The following DAB1 variants were observed in gnomAD, a reference collection of about 807,000 sequenced individuals.
The protein encoded by DAB1 is DAB adaptor protein 1, also known as disabled homolog 1.
DAB1 carries 15 observed loss-of-function variants against 64.6 expected under a neutral mutation model. The ratio of observed to expected loss-of-function variants is 0.23; its 90% CI spans 0.16 to 0.36. The LOEUF (loss-of-function observed/expected upper bound fraction) is 0.36, where lower values mean the gene tolerates loss of function less well. Among genes scored for constraint, DAB1 ranks in the 10% least tolerant of loss-of-function variants. The pLI, the probability that DAB1 is intolerant of heterozygous loss-of-function variation, is 1.00. For missense variants in DAB1, 596 were observed against 706.7 expected (o/e 0.84, Z 1.78); for synonymous variants, 235 against 251.9 (o/e 0.93, Z 0.64).
chr1:58,182,237 G>A (rs529218717), intron 4 of DAB1, among the ~76,000 whole-genome samples: 9 of 151,766 alleles, frequency 5.9e-5, no homozygotes, highest in African/African-American at 2.2e-4. Context: ...GTTTTCAATC[G>A]TTTGACTATG....
At chr1:57,599,644 G>A (rs1451457984) in intron 7 of DAB1, among the ~76,000 whole-genome samples, 1 of 152,134 alleles carries the variant, frequency 6.6e-6, no homozygotes, top group African/African-American at 2.4e-5. Flanking sequence ...GATAATATAT[G>A]TAGAACACCT....
intron 7 of DAB1, among the ~76,000 whole-genome samples, chr1:57,471,137 C>A (rs1687120091): frequency 6.6e-6 from 1 of 152,172 alleles, no homozygotes; most frequent in South Asian, 2.1e-4. Flanking sequence ...TTTCATACTT[C>A]TTTTTCCAGA....
chr1:57,226,672 A>ATATAT (rs1553158266), intron 2 of DAB1, among the ~76,000 whole-genome samples: 23 of 135,996 alleles, frequency 1.7e-4, no homozygotes, highest in African/African-American at 5.9e-4. Flanking sequence ...TTAAAAAAAA[A>ATATAT]ATATATATAT....
intron 2 of DAB1, among the ~76,000 whole-genome samples, chr1:57,147,995 C>G (rs1659312493): frequency 6.6e-6 from 1 of 152,202 alleles, no homozygotes; most frequent in Non-Finnish European, 1.5e-5. Context: ...TCAGTTGCTT[C>G]TTTTCTACGC....
intron 1 of DAB1, among the ~76,000 whole-genome samples, chr1:57,312,809 T>C (rs1674838600): frequency 1.3e-5 from 2 of 151,944 alleles, no homozygotes; most frequent in Admixed American, 1.3e-4. Context: ...AGCAGTGGAG[T>C]GTGCAAACTC....
intron 1 of DAB1, among the ~76,000 whole-genome samples, chr1:57,333,348 C>T (rs955554045): frequency 7.3e-5 from 11 of 151,720 alleles, no homozygotes; most frequent in African/African-American, 1.7e-4. Flanking sequence ...ACTCACTTAA[C>T]GGCTCAGTTT....
upstream of DAB1, among the ~76,000 whole-genome samples, chr1:57,427,457 C>T (rs1378040948): frequency 6.6e-6 from 1 of 152,252 alleles, no homozygotes; most frequent in East Asian, 1.9e-4. Flanking sequence ...ACATGATTTT[C>T]AAGATACTCA....
At chr1:58,264,112 A>C (rs1661107637) in intron 4 of DAB1, among the ~76,000 whole-genome samples, 1 of 152,174 alleles carries the variant, frequency 6.6e-6, no homozygotes, top group Admixed American at 6.6e-5. Context: ...TTGACCTTAC[A>C]AGTTTCCTAT....
chr1:57,794,058 C>T (rs1326174210), intron 6 of DAB1, among the ~76,000 whole-genome samples: 3 of 152,130 alleles, frequency 2.0e-5, no homozygotes, highest in Non-Finnish European at 4.4e-5. Context: ...GGTGATGGAT[C>T]CTCCTTGAAC....
At chr1:57,367,122 T>TAAAATAAAA (rs1570382070) in intron 1 of DAB1, among the ~76,000 whole-genome samples, 6 of 123,228 alleles carry the variant, frequency 4.9e-5, no homozygotes, top group Non-Finnish European at 9.5e-5. Flanking sequence ...ATAAAATAAA[T>TAAAATAAAA]AAATTAGCCA....
chr1:58,291,499 A>C (rs1661835707), intron 4 of DAB1, among the ~76,000 whole-genome samples: 1 of 152,220 alleles, frequency 6.6e-6, no homozygotes, highest in African/African-American at 2.4e-5. Context: ...TCAGAAGTTT[A>C]GGGGTTGATT....
intron 2 of DAB1, among the ~76,000 whole-genome samples, chr1:57,252,932 T>C (rs923535812): frequency 1.3e-5 from 2 of 152,158 alleles, no homozygotes; most frequent in African/African-American, 2.4e-5. Context: ...AAGGCCCAGA[T>C]AGATGAATGG....
chr1:58,198,058 G>C (rs1429666944), intron 4 of DAB1, among the ~76,000 whole-genome samples: 1 of 152,156 alleles, frequency 6.6e-6, no homozygotes, highest in Non-Finnish European at 1.5e-5. Context: ...ATGGTAGGCA[G>C]GACTAAGCAG....
intron 2 of DAB1, among the ~76,000 whole-genome samples, chr1:57,245,764 T>C (rs978391012): frequency 2.0e-5 from 3 of 152,216 alleles, no homozygotes; most frequent in Non-Finnish European, 4.4e-5. Context: ...GTCTTTATAG[T>C]AGCATGATTT....
chr1:57,939,174 T>G (rs1645067853), intron 5 of DAB1, among the ~76,000 whole-genome samples: 1 of 152,052 alleles, frequency 6.6e-6, no homozygotes, highest in African/African-American at 2.4e-5. Flanking sequence ...TCTCTCATAT[T>G]CTCACATGGC....
intron 3 of DAB1, among the ~76,000 whole-genome samples, chr1:58,379,395 C>T (rs1376521845): frequency 6.6e-6 from 1 of 152,196 alleles, no homozygotes; most frequent in African/African-American, 2.4e-5. Flanking sequence ...GGCACAAGCA[C>T]TCATTTGCTA....
chr1:58,472,926 G>A (rs1277185072), intron 3 of DAB1, among the ~76,000 whole-genome samples: 1 of 152,292 alleles, frequency 6.6e-6, no homozygotes, highest in East Asian at 1.9e-4. Context: ...GCAGCCAGCA[G>A]TGGCCACTCA....
At chr1:57,787,826 C>T (rs529765944) in intron 6 of DAB1, among the ~76,000 whole-genome samples, 1 of 149,362 alleles carries the variant, frequency 6.7e-6, no homozygotes, top group Admixed American at 6.6e-5. Flanking sequence ...CTCAATAAGA[C>T]AACACAATTT....
chr1:58,232,125 T>C (rs1299294893), intron 4 of DAB1, among the ~76,000 whole-genome samples: 2 of 152,182 alleles, frequency 1.3e-5, no homozygotes, highest in Non-Finnish European at 1.5e-5. Flanking sequence ...AACAGCATGT[T>C]CAGTTGTCGC....
Sources: allele counts gnomAD v4.1 joint callset (sites outside exome capture counted in the v4.1 genomes callset), GRCh38; gene constraint gnomAD v4.1.1; transcripts MANE v1.5; gene names NCBI Gene and HGNC (gene_info 2026-07-23, HGNC 2026-07-21).